The following KIAA1217 variants were observed in gnomAD, a reference collection of about 807,000 sequenced individuals.
The protein encoded by KIAA1217 is sickle tail protein homolog.
A neutral mutation model predicts 163.9 loss-of-function variants in KIAA1217; 88 were observed. The ratio of observed to expected loss-of-function variants is 0.54; its 90% CI spans 0.45 to 0.64. The LOEUF (loss-of-function observed/expected upper bound fraction) is 0.64, where lower values mean the gene tolerates loss of function less well. KIAA1217 is among the 30% of genes least tolerant of loss of function. The pLI is 0.00. For synonymous variants in KIAA1217, 903 were observed against 923.1 expected (o/e 0.98, Z 0.39); for missense variants, 2,372 against 2,475.0 (o/e 0.96, Z 0.88).
chr10:24,262,668 C>T (rs2075842005), intron 2 of KIAA1217, among the ~76,000 whole-genome samples: 1 of 150,648 alleles, frequency 6.6e-6, no homozygotes, highest in African/African-American at 2.4e-5. Flanking sequence ...GTGGGAGTCT[C>T]AATTTAAGGT....
At position 24,339,944 on chromosome 10, in the gene KIAA1217, A is replaced by G. The variant is rs142831436; in HGVS notation, c.355-40925A>G. Among the ~76,000 whole-genome samples, 4 of 152,258 alleles carry G rather than the reference A, an allele frequency of 2.6e-5. No homozygotes were observed. In the East Asian group the frequency reaches 7.7e-4, roughly 29 times the overall value. On this transcript the variant is annotated intron_variant, in intron 2 of 20. Coordinates refer to ENST00000376454, the MANE Select transcript of KIAA1217 (RefSeq NM_019590.5). ...CCTTGCTTGTCAGAATAACAGGTTC[A>G]TTGTTGAGAGTGGGTTAGTAAATAC...
intron 1 of KIAA1217, among the ~76,000 whole-genome samples, chr10:23,852,612 G>A (rs534444472): frequency 6.6e-6 from 1 of 152,274 alleles, no homozygotes; most frequent in African/African-American, 2.4e-5. Flanking sequence ...GGGCCGTATG[G>A]CCATTTTCAC....
At chr10:24,176,675 C>A (rs1477669805) in intron 2 of KIAA1217, among the ~76,000 whole-genome samples, 1 of 152,248 alleles carries the variant, frequency 6.6e-6, no homozygotes, top group African/African-American at 2.4e-5. Context: ...CCTAGTGGGT[C>A]CTACACCAGA....
At position 23,790,711 on chromosome 10, in the gene KIAA1217, ATATGTATG is replaced by A. The variant is rs10594361; in HGVS notation, c.-321+95504_-321+95511del. Among the ~76,000 whole-genome samples the A allele has an allele frequency of 1.4e-3, 193 of 140,372 alleles. 2 individuals are homozygous for A. The highest frequency in any genetic ancestry group is 4.3e-3 in the African/African-American group (145 of 34,080). 92.1% of individuals were successfully genotyped at this position (140,372 alleles called of 152,430 possible). On this transcript the variant is annotated intron_variant, in intron 1 of 18. Coordinates refer to the KIAA1217 transcript ENST00000376462. ...TATGTATATATACACACACATATAT[ATATGTATG>A]TATGTATGTATGTATGTATGTATGT...
At chr10:23,726,687 G>C (rs1164840235) in intron 1 of KIAA1217, among the ~76,000 whole-genome samples, 1 of 151,918 alleles carries the variant, frequency 6.6e-6, no homozygotes, top group African/African-American at 2.4e-5. Flanking sequence ...AATCTACAAA[G>C]AACTCAAATT....
At chr10:23,754,675 G>A (rs373690996) in intron 1 of KIAA1217, among the ~76,000 whole-genome samples, 1 of 152,002 alleles carries the variant, frequency 6.6e-6, no homozygotes, top group Non-Finnish European at 1.5e-5. Flanking sequence ...TAAAGTGTCC[G>A]CCTCCTGCTT....
At chr10:24,206,844 T>C (rs1207120293), upstream of KIAA1217, among the ~76,000 whole-genome samples, 3 of 152,070 alleles carry the variant, frequency 2.0e-5, no homozygotes, top group African/African-American at 7.2e-5. Flanking sequence ...TCCTAGCAGC[T>C]GGAAAGCAAG....
At chr10:24,529,798 A>ATT (rs34277036) in intron 14 of KIAA1217, among the ~76,000 whole-genome samples, 15,850 of 132,062 alleles carry the variant, frequency 0.12, 1,256 homozygotes, top group African/African-American at 0.2. Flanking sequence ...AGCTCATCAC[A>ATT]TTTTTTTTTT....
intron 1 of KIAA1217, among the ~76,000 whole-genome samples, chr10:24,000,961 T>A (rs1846715670): frequency 6.6e-6 from 1 of 152,210 alleles, no homozygotes; most frequent in Admixed American, 6.5e-5. Flanking sequence ...AACTTTTGAA[T>A]GAAGACCAGA....
At position 24,414,683 on chromosome 10, in the gene KIAA1217, C is replaced by T. The variant is rs191727231; in HGVS notation, c.554-18312C>T. 6.6e-5 allele frequency among the ~76,000 whole-genome samples: 10 copies of T among 152,306 alleles called. No homozygotes were observed. The East Asian group carries it at 9.7e-4, about 15-fold the overall frequency. On this transcript the variant is annotated intron_variant, in intron 3 of 20. Transcript: ENST00000376454. Reference sequence around the variant, plus strand: ...GGAAGATCTGGGGACATGGACCCATCGGAGGATGGGCACCTTGTCCTTGCG... The same window carrying T: ...GGAAGATCTGGGGACATGGACCCATTGGAGGATGGGCACCTTGTCCTTGCG...
At chr10:23,810,982 AG>A in intron 1 of KIAA1217, among the ~76,000 whole-genome samples, 1 of 121,232 alleles carries the variant, frequency 8.2e-6, no homozygotes, top group Non-Finnish European at 1.6e-5. Context: ...TATATACTAT[AG>A]TATATATACT....
intron 1 of KIAA1217, among the ~76,000 whole-genome samples, chr10:23,804,663 C>G (rs1836651046): frequency 6.6e-6 from 1 of 152,138 alleles, no homozygotes; most frequent in South Asian, 2.1e-4. Context: ...TAGATACACA[C>G]CGTTGCCAGT....
At chr10:23,876,895 G>C (rs193165911) in intron 1 of KIAA1217, among the ~76,000 whole-genome samples, 2 of 151,926 alleles carry the variant, frequency 1.3e-5, no homozygotes, top group Non-Finnish European at 2.9e-5. Flanking sequence ...CGAAGAGTTC[G>C]GTTTAGGGTG....
chr10:24,204,385 C>G (rs1006209352), upstream of KIAA1217, among the ~76,000 whole-genome samples: 2 of 152,282 alleles, frequency 1.3e-5, no homozygotes, highest in Admixed American at 1.3e-4. Context: ...ATGTATTATA[C>G]TATGGAATCT....
chr10:24,402,281 C>A (rs558297883), intron 3 of KIAA1217, among the ~76,000 whole-genome samples: 1 of 151,516 alleles, frequency 6.6e-6, no homozygotes, highest in Non-Finnish European at 1.5e-5. Flanking sequence ...CCAAGGCGGG[C>A]GGATCACGAG....
chr10:24,397,854 C>T (rs1163197105), intron 3 of KIAA1217, among the ~76,000 whole-genome samples: 1 of 152,182 alleles, frequency 6.6e-6, no homozygotes, highest in African/African-American at 2.4e-5. Flanking sequence ...CACAACCCCA[C>T]CCCCAATAAA....
At position 24,057,447 on chromosome 10, in the gene KIAA1217, C is replaced by T. The variant is rs570676979; in HGVS notation, c.-171+50073C>T. On this transcript the variant is annotated intron_variant, in intron 2 of 18. Coordinates refer to the KIAA1217 transcript ENST00000376462. ...TCGCCATTTGTCTCTCCCCTCAATC[C>T]CAAGCAACCAGAATTCTACTCTCTG... is the stretch of plus-strand genomic sequence containing the variant. Among the ~76,000 whole-genome samples the T allele has an allele frequency of 1.8e-4, 27 of 152,194 alleles. No homozygotes were observed. The South Asian group carries it at 4.8e-3, about 27-fold the overall frequency.
At chr10:24,279,820 T>A (rs1378404604) in intron 2 of KIAA1217, among the ~76,000 whole-genome samples, 3 of 152,092 alleles carry the variant, frequency 2.0e-5, no homozygotes, top group Non-Finnish European at 2.9e-5. Context: ...GGTAAAAAAA[T>A]AATATTGCTA....
At chr10:24,013,393 T>A (rs552146735) in intron 2 of KIAA1217, among the ~76,000 whole-genome samples, 28 of 151,950 alleles carry the variant, frequency 1.8e-4, no homozygotes, top group Non-Finnish European at 3.2e-4. Flanking sequence ...AAATAAGGTG[T>A]CTTTAAGCAG....
Sources: allele counts gnomAD v4.1 joint callset (sites outside exome capture counted in the v4.1 genomes callset), GRCh38; gene constraint gnomAD v4.1.1; transcripts MANE v1.5; gene names NCBI Gene and HGNC (gene_info 2026-07-23, HGNC 2026-07-21).